Variants in LMF1 observed in about 807,000 individuals in gnomAD.
LMF1 encodes the protein transmembrane protein 112.
Under a neutral mutation model 60.6 loss-of-function variants are expected in LMF1, and 68 were observed. That is an observed-to-expected ratio of 1.12 (90% confidence interval 0.92 to 1.37). The LOEUF (loss-of-function observed/expected upper bound fraction) is 1.37, where lower values mean the gene tolerates loss of function less well. Among genes scored for constraint, LMF1 ranks in the 40% most tolerant of loss-of-function variants. The probability of loss-of-function intolerance (pLI) is 0.00; values close to 1 mark genes in which losing one functional copy is unlikely to be tolerated. For synonymous variants in LMF1, 418 were observed against 324.7 expected (o/e 1.29, Z -3.09); for missense variants, 948 against 767.2 (o/e 1.24, Z -2.78).
chr16:976,107 G>A (rs1372611601), intron 1 of LMF1: 2 of 368,146 alleles, frequency 5.4e-6, no homozygotes, highest in South Asian at 2.0e-5. Context: ...TCTGGAGTCA[G>A]TCCTCTCCTG....
chr16:913,879 A>G (rs2071193329), intron 3 of LMF1, among the ~76,000 whole-genome samples: 1 of 152,224 alleles, frequency 6.6e-6, no homozygotes, highest in South Asian at 2.1e-4. Context: ...GGCCAGGGCC[A>G]GACCTGCAGG....
At position 869,036 on chromosome 16, in the gene LMF1, C is replaced by G; in HGVS notation, c.1437G>C (p.Trp479Cys). The stretch of plus-strand genomic sequence containing the variant: ...GGAGCTTGCCAGCCAGGTGGATGAT[C>G]CAGTCGTTGTGCTCGTAGGTCTGGG... ...AAFQTYEHND[W>C]IIHLAGKLLA... The change falls in exon 10 of 11, where the codon TGG becomes TGC. Residue 479 changes from tryptophan to cysteine, a missense_variant. Transcript: ENST00000262301. 6.2e-7 allele frequency: 1 copy of G among 1,612,346 alleles called. No individual in the cohort carries two copies. The highest frequency in any genetic ancestry group is 2.2e-5 in the East Asian group (1 of 44,854).
intron 4 of LMF1, among the ~76,000 whole-genome samples, chr16:909,502 C>T (rs1047016148): frequency 2.0e-5 from 3 of 152,134 alleles, no homozygotes; most frequent in African/African-American, 4.8e-5. Context: ...TATACTGAGC[C>T]ACGCTACACA....
At chr16:866,276 TACCTTG>T (rs2069606683) in intron 10 of LMF1, among the ~76,000 whole-genome samples, 1 of 152,252 alleles carries the variant, frequency 6.6e-6, no homozygotes, top group Non-Finnish European at 1.5e-5. Context: ...ACAGGGGTAT[TACCTTG>T]CTCCTGCCAG....
At chr16:910,848 A>G (rs2071089479) in intron 4 of LMF1, 83 bp downstream of exon 4, 1 of 1,563,726 alleles carries the variant, frequency 6.4e-7, no homozygotes, top group Admixed American at 1.7e-5. Flanking sequence ...GAGGAAGGAA[A>G]CAGCCTCACC....
chr16:885,658 T>G (rs1437779164), intron 5 of LMF1, among the ~76,000 whole-genome samples: 2 of 152,222 alleles, frequency 1.3e-5, no homozygotes, highest in Non-Finnish European at 1.5e-5. Context: ...CATTTCACAA[T>G]GTTCATCAGG....
intron 5 of LMF1, among the ~76,000 whole-genome samples, chr16:881,769 G>T (rs2070169035): frequency 6.6e-6 from 1 of 152,208 alleles, no homozygotes; most frequent in Non-Finnish European, 1.5e-5. Flanking sequence ...AGCAGGCTTG[G>T]CCAGGTGTTG....
At chr16:907,980 G>A (rs1324220690) in intron 4 of LMF1, among the ~76,000 whole-genome samples, 1 of 152,242 alleles carries the variant, frequency 6.6e-6, no homozygotes, top group African/African-American at 2.4e-5. Context: ...GGCACCAGGA[G>A]CTTTGCATAC....
At chr16:975,608 G>A (rs1442441181), upstream of LMF1, among the ~76,000 whole-genome samples, 1 of 152,240 alleles carries the variant, frequency 6.6e-6, no homozygotes, top group Non-Finnish European at 1.5e-5. Context: ...TGAGCCTCTA[G>A]AGCAAAGCTT....
Position 931,260 on chromosome 16 carries a change from T to A in LMF1, c.514+2984A>T, listed in dbSNP as rs188315508. 2.0e-5 allele frequency among the ~76,000 whole-genome samples: 3 copies of A among 152,372 alleles called. No homozygotes were observed. In the East Asian group the frequency reaches 5.8e-4, roughly 29 times the overall value. On this transcript the variant is annotated intron_variant, in intron 3 of 10. Coordinates refer to ENST00000262301, the MANE Select transcript of LMF1 (RefSeq NM_022773.4). Reference sequence around the variant, plus strand: ...TTTTAATTAATTTTAGAAACACATGTGCCCAGTGGCCGGGCTGGGTGGGGG... The same window carrying A: ...TTTTAATTAATTTTAGAAACACATGAGCCCAGTGGCCGGGCTGGGTGGGGG...
intron 2 of LMF1, among the ~76,000 whole-genome samples, chr16:948,293 G>T (rs1377545675): frequency 6.6e-6 from 1 of 151,554 alleles, no homozygotes; most frequent in African/African-American, 2.4e-5. Context: ...CAGAGTCAGA[G>T]CCAACGACAG....
intron 2 of LMF1, among the ~76,000 whole-genome samples, chr16:951,456 C>T (rs184274072): frequency 5.3e-5 from 8 of 150,728 alleles, no homozygotes; most frequent in East Asian, 1.9e-4. Flanking sequence ...TGCAAGGCTG[C>T]GTGGCTTTAT....
At position 854,089 on chromosome 16, in the gene LMF1, A is replaced by G. The variant is rs989097443; in HGVS notation, c.*443T>C. The G allele has an allele frequency of 1.7e-5, 8 of 457,202 alleles. No homozygotes were observed. Among genetic ancestry groups the G allele is most frequent in the Admixed American group, 1.2e-4 (5 of 42,632 alleles). The allele number at this position is 457,202 out of a possible 1,614,324, so 28.3% of individuals were successfully genotyped here. A position where few individuals can be genotyped will look rare whatever the true frequency, so the allele number is the denominator to read the frequency against. ...TGACAGGGACTTGGCTCTGAGGGTCAGGACCTGGCTGGGAACACACCATTG... is the reference window on the plus strand; with the variant it reads ...TGACAGGGACTTGGCTCTGAGGGTCGGGACCTGGCTGGGAACACACCATTG... On this transcript the variant is annotated 3_prime_UTR_variant, in exon 11 of 11. Coordinates refer to ENST00000262301, the MANE Select transcript of LMF1 (RefSeq NM_022773.4).
Position 859,941 on chromosome 16 carries a change from A to T in LMF1, c.1530-5235T>A, listed in dbSNP as rs144330504. 8.0e-4 allele frequency among the ~76,000 whole-genome samples: 80 copies of T among 99,612 alleles called. 1 individual carries two copies. The highest frequency in any genetic ancestry group is 4.0e-3 in the African/African-American group (60 of 14,874). 65.3% of individuals were successfully genotyped at this position (99,612 alleles called of 152,430 possible). ...TCACGGGATCGGTGTGAGTGGTGTCACGGGATGGGTGTGCAGTGATGGTAC... is the reference window on the plus strand; with the variant it reads ...TCACGGGATCGGTGTGAGTGGTGTCTCGGGATGGGTGTGCAGTGATGGTAC... On this transcript the variant is annotated intron_variant, in intron 10 of 10. Coordinates refer to ENST00000262301, the MANE Select transcript of LMF1 (RefSeq NM_022773.4).
chr16:930,242 G>A lies in LMF1; in HGVS notation c.514+4002C>T, dbSNP rs139122385. Among the ~76,000 whole-genome samples the A allele has an allele frequency of 1.8e-4, 25 of 140,170 alleles. No individual in the cohort carries two copies. In the East Asian group the frequency reaches 4.4e-3, roughly 25 times the overall value. The allele number at this position is 140,170 out of a possible 152,430, so 92.0% of individuals were successfully genotyped here. A position where few individuals can be genotyped will look rare whatever the true frequency, so the allele number is the denominator to read the frequency against. On this transcript the variant is annotated intron_variant, in intron 3 of 10. Transcript: ENST00000262301. ...GCCCTGGGACACAGAGCCCAGGACA[G>A]CAGCAGTCGCGTCCGTCTGAACAGG...
intron 5 of LMF1, among the ~76,000 whole-genome samples, chr16:881,242 C>T (rs1404383234): frequency 6.6e-6 from 1 of 152,126 alleles, no homozygotes; most frequent in Non-Finnish European, 1.5e-5. Context: ...CCCCAAGAGC[C>T]GTGGGCTGGG....
chr16:977,965 T>G (rs1368931051), intron 1 of LMF1, among the ~76,000 whole-genome samples: 3 of 100,684 alleles, frequency 3.0e-5, no homozygotes, highest in Admixed American at 1.1e-4. Context: ...CCACACACCA[T>G]ACACACACCC....
At chr16:890,380 C>T (rs200050725) in intron 5 of LMF1, among the ~76,000 whole-genome samples, 3 of 152,192 alleles carry the variant, frequency 2.0e-5, no homozygotes, top group African/African-American at 7.2e-5. Context: ...TTTTGAAATG[C>T]GATTCCCCAA....
chr16:972,705 C>A (rs933621387), upstream of LMF1, among the ~76,000 whole-genome samples: 4 of 152,230 alleles, frequency 2.6e-5, no homozygotes, highest in African/African-American at 9.6e-5. Flanking sequence ...AGCTTCCCCT[C>A]GCTGGGCCGA....
Sources: allele counts gnomAD v4.1 joint callset (sites outside exome capture counted in the v4.1 genomes callset), GRCh38; gene constraint gnomAD v4.1.1; transcripts MANE v1.5; gene names NCBI Gene and HGNC (gene_info 2026-07-23, HGNC 2026-07-21).